The following OSBPL10 variants were observed in gnomAD, a reference collection of about 807,000 sequenced individuals.
OSBPL10 encodes oxysterol-binding protein-related protein 10.
In OSBPL10, 49 loss-of-function variants were observed where a neutral mutation model predicts 81.7. The observed-to-expected ratio is 0.60, with a 90% CI of 0.48 to 0.76. OSBPL10 has a LOEUF of 0.76. Among genes scored for constraint, OSBPL10 ranks in the 30% least tolerant of loss-of-function variants. The pLI, the probability that OSBPL10 is intolerant of heterozygous loss-of-function variation, is 0.00. For missense variants in OSBPL10, 923 were observed against 987.8 expected (o/e 0.93, Z 0.88); for synonymous variants, 419 against 383.6 (o/e 1.09, Z -1.08).
intron 1 of OSBPL10, among the ~76,000 whole-genome samples, chr3:32,049,698 T>G (rs1432532192): frequency 6.6e-6 from 1 of 152,208 alleles, no homozygotes; most frequent in African/African-American, 2.4e-5. Context: ...TCTCTGCTGA[T>G]GGCTATGAGT....
chr3:31,662,858 C>A (rs1045817742), intron 11 of OSBPL10: 27 of 985,318 alleles, frequency 2.7e-5, no homozygotes, highest in Non-Finnish European at 3.1e-5. Context: ...GAAAAGGGAG[C>A]TAACCTCACA....
At chr3:32,054,526 CTTTT>C (rs755489489) in intron 1 of OSBPL10, among the ~76,000 whole-genome samples, 5 of 86,624 alleles carry the variant, frequency 5.8e-5, no homozygotes, top group Admixed American at 1.9e-4. Context: ...TCAATGGTGG[CTTTT>C]TTTTTTTTTT....
intron 5 of OSBPL10, among the ~76,000 whole-genome samples, chr3:31,735,128 ACT>A (rs72255981): frequency 0.1 from 15,721 of 152,102 alleles, 1,558 homozygotes; most frequent in African/African-American, 0.27. Context: ...AGGTCACATA[ACT>A]CTACTGTTAA....
At chr3:31,668,294 A>G (rs1277083138) in intron 10 of OSBPL10, among the ~76,000 whole-genome samples, 7 of 152,164 alleles carry the variant, frequency 4.6e-5, no homozygotes, top group Non-Finnish European at 1.5e-5. Flanking sequence ...CAAGAAAAAA[A>G]TAGTATCTTA....
chr3:31,958,994 T>C (rs371857786), intron 1 of OSBPL10, among the ~76,000 whole-genome samples: 12 of 152,244 alleles, frequency 7.9e-5, no homozygotes, highest in African/African-American at 2.6e-4. Context: ...CTCCCAAAGG[T>C]CAAATGTCAT....
intron 6 of OSBPL10, chr3:31,703,615 C>A (rs553069783): frequency 6.6e-6 from 1 of 152,322 alleles, no homozygotes; most frequent in South Asian, 2.1e-4. Context: ...GCCTTACATA[C>A]CCACACGGAC....
At chr3:32,029,605 T>G (rs1437456030) in intron 2 of OSBPL10, among the ~76,000 whole-genome samples, 3 of 152,178 alleles carry the variant, frequency 2.0e-5, no homozygotes, top group Non-Finnish European at 4.4e-5. Context: ...TGAATCAACA[T>G]CATGTTCTTA....
chr3:32,045,030 T>C (rs766497452), intron 2 of OSBPL10, among the ~76,000 whole-genome samples: 3 of 152,218 alleles, frequency 2.0e-5, no homozygotes, highest in Non-Finnish European at 4.4e-5. Flanking sequence ...ATTTGCAGTG[T>C]GAGATAACTT....
chr3:31,903,193 A>G (rs1456979316), intron 1 of OSBPL10, among the ~76,000 whole-genome samples: 2 of 152,234 alleles, frequency 1.3e-5, no homozygotes, highest in East Asian at 1.9e-4. Flanking sequence ...GTGGGAAAAC[A>G]TAACAAAAAT....
At chr3:32,029,611 T>G (rs1467993996) in intron 2 of OSBPL10, among the ~76,000 whole-genome samples, 1 of 152,166 alleles carries the variant, frequency 6.6e-6, no homozygotes, top group Non-Finnish European at 1.5e-5. Flanking sequence ...AACATCATGT[T>G]CTTATAAAGG....
At chr3:31,981,594 A>G (rs1185303525), upstream of OSBPL10, among the ~76,000 whole-genome samples, 3 of 152,106 alleles carry the variant, frequency 2.0e-5, no homozygotes, top group Admixed American at 6.5e-5. This position sits in a 1 kb window ranked among gnomAD's most constrained non-coding sequence, Gnocchi z 4.5. Flanking sequence ...TCACCCACGC[A>G]TTCCTTCTGC....
intron 6 of OSBPL10, among the ~76,000 whole-genome samples, chr3:31,715,898 T>G (rs1696415736): frequency 6.6e-6 from 1 of 152,204 alleles, no homozygotes; most frequent in African/African-American, 2.4e-5. Context: ...ACCACATCAG[T>G]GATTCTTTCG....
chr3:31,789,473 A>C (rs1247569544), intron 4 of OSBPL10, among the ~76,000 whole-genome samples: 1 of 152,206 alleles, frequency 6.6e-6, no homozygotes, highest in Non-Finnish European at 1.5e-5. Context: ...TCTAAATTGT[A>C]AACTCTTCCT....
chr3:32,018,494 C>T (rs1699334505), intron 2 of OSBPL10, among the ~76,000 whole-genome samples: 1 of 152,076 alleles, frequency 6.6e-6, no homozygotes, highest in South Asian at 2.1e-4. Flanking sequence ...GAAGGGAAAA[C>T]CAGAGCATAA....
intron 2 of OSBPL10, among the ~76,000 whole-genome samples, chr3:32,008,781 G>C (rs1397784278): frequency 6.9e-6 from 1 of 144,544 alleles, no homozygotes; most frequent in Non-Finnish European, 1.5e-5. Flanking sequence ...AAAAAAAGAA[G>C]AACAAAAAAA....
intron 4 of OSBPL10, among the ~76,000 whole-genome samples, chr3:31,811,280 C>T (rs1342925326): frequency 6.6e-6 from 1 of 152,180 alleles, no homozygotes. Context: ...AAGACCTCAG[C>T]AGAGGTGCCT....
intron 8 of OSBPL10, among the ~76,000 whole-genome samples, chr3:31,671,709 C>T (rs1473467869): frequency 6.6e-6 from 1 of 152,160 alleles, no homozygotes; most frequent in Non-Finnish European, 1.5e-5. Context: ...ACCTACAACC[C>T]AAAGTGGGAA....
At position 31,889,532 on chromosome 3, in the gene OSBPL10, G is replaced by A. The variant is rs1252349584; in HGVS notation, c.282-9702C>T. Among the ~76,000 whole-genome samples the A allele has an allele frequency of 2.6e-5, 4 of 152,084 alleles. No homozygotes were observed. The East Asian group carries it at 7.7e-4, about 29-fold the overall frequency. On this transcript the variant is annotated intron_variant, in intron 1 of 11. Transcript: ENST00000396556. ...ATGGAACTGAAGGACACTATGTTAAGTGAAATAAGCAAGGAACAGAAATTT... is the reference window on the plus strand; with the variant it reads ...ATGGAACTGAAGGACACTATGTTAAATGAAATAAGCAAGGAACAGAAATTT...
At chr3:31,774,184 GAC>G (rs931803718) in intron 4 of OSBPL10, among the ~76,000 whole-genome samples, 4 of 140,494 alleles carry the variant, frequency 2.8e-5, no homozygotes, top group Admixed American at 6.9e-5. Context: ...AAAAAAGAAA[GAC>G]AGACTGAAAA....
Sources: gnomAD v4.1 joint callset for allele counts (sites outside exome capture counted in the v4.1 genomes callset) on GRCh38, gnomAD v4.1.1 for gene constraint, Gnocchi (gnomAD v3.1) non-coding constraint, MANE v1.5 for transcripts, NCBI Gene and HGNC (gene_info 2026-07-23, HGNC 2026-07-21) for gene names.